Variants in RIT2 observed in about 807,000 individuals in gnomAD.
RIT2 encodes GTP-binding protein Rit2.
RIT2 carries 24 observed loss-of-function variants against 23.7 expected under a neutral mutation model. The ratio of observed to expected loss-of-function variants is 1.01; its 90% CI spans 0.73 to 1.43. The LOEUF (loss-of-function observed/expected upper bound fraction) is 1.43. Among genes scored for constraint, RIT2 ranks in the 40% most tolerant of loss-of-function variants. RIT2 has a pLI of 0.00. For synonymous variants in RIT2, 107 were observed against 91.1 expected, an observed-to-expected ratio of 1.17 and a Z score of -0.99; for missense variants, 236 against 266.9, an observed-to-expected ratio of 0.88 and a Z score of 0.81.
rs569381997 is a variant in RIT2, at chr18:43,028,532, C to A, written c.160+5279G>T. 1.5e-3 allele frequency among the ~76,000 whole-genome samples: 230 copies of A among 152,146 alleles called. 1 individual carries two copies. Among genetic ancestry groups the A allele is most frequent in the African/African-American group, 5.2e-3 (215 of 41,542 alleles). On this transcript the variant is annotated intron_variant, in intron 2 of 4. Coordinates refer to ENST00000326695, the MANE Select transcript of RIT2 (RefSeq NM_002930.4). ...ATTTAATTAGTTTCATACGAATTAT[C>A]TTTCTATTGTACCACATTCAAACAT... is the stretch of plus-strand genomic sequence containing the variant.
At chr18:43,032,808 T>C (rs1431663838) in intron 2 of RIT2, among the ~76,000 whole-genome samples, 5 of 152,110 alleles carry the variant, frequency 3.3e-5, no homozygotes, top group African/African-American at 1.2e-4. Context: ...CAAGCAAATA[T>C]TCTGGGGCCT....
intron 1 of RIT2, among the ~76,000 whole-genome samples, chr18:43,112,291 C>G (rs1913970104): frequency 6.6e-6 from 1 of 152,008 alleles, no homozygotes; most frequent in African/African-American, 2.4e-5. Flanking sequence ...TTTTTCTGAC[C>G]TCTGTTTTTT....
At chr18:42,751,608 C>T (rs896329202) in intron 4 of RIT2, among the ~76,000 whole-genome samples, 9 of 151,660 alleles carry the variant, frequency 5.9e-5, no homozygotes, top group South Asian at 2.1e-4. Context: ...TTGTAGCAGG[C>T]CGAAGTATAC....
intron 3 of RIT2, among the ~76,000 whole-genome samples, chr18:42,950,766 G>A (rs1909832150): frequency 6.6e-6 from 1 of 151,418 alleles, no homozygotes; most frequent in South Asian, 2.1e-4. Flanking sequence ...AAAAAAAATG[G>A]TATAGAAGTG....
At chr18:42,749,691 C>T (rs1435230713) in intron 4 of RIT2, among the ~76,000 whole-genome samples, 1 of 151,512 alleles carries the variant, frequency 6.6e-6, no homozygotes, top group East Asian at 1.9e-4. Context: ...GATGTTTGTC[C>T]CAATATATCA....
At chr18:43,032,030 T>TC (rs1368310038) in intron 2 of RIT2, among the ~76,000 whole-genome samples, 1 of 152,074 alleles carries the variant, frequency 6.6e-6, no homozygotes, top group Non-Finnish European at 1.5e-5. Context: ...TAACCAATAT[T>TC]CCCATTAGAA....
At chr18:42,914,548 T>G (rs992128976) in intron 4 of RIT2, among the ~76,000 whole-genome samples, 27 of 152,104 alleles carry the variant, frequency 1.8e-4, no homozygotes, top group African/African-American at 6.3e-4. Context: ...GCATGTTAAC[T>G]CATTTCATTT....
At chr18:43,056,260 A>G (rs573188367) in intron 1 of RIT2, among the ~76,000 whole-genome samples, 3 of 152,184 alleles carry the variant, frequency 2.0e-5, no homozygotes, top group Admixed American at 6.5e-5. Flanking sequence ...AAAGTCACTG[A>G]CAAAAACAAA....
At chr18:42,879,702 T>C (rs1907837241) in intron 4 of RIT2, among the ~76,000 whole-genome samples, 1 of 152,156 alleles carries the variant, frequency 6.6e-6, no homozygotes, top group Non-Finnish European at 1.5e-5. Flanking sequence ...CTAGTTTTTC[T>C]AGTTTTCATG....
intron 3 of RIT2, among the ~76,000 whole-genome samples, chr18:42,969,248 T>C (rs1052400828): frequency 1.3e-5 from 2 of 152,100 alleles, no homozygotes; most frequent in African/African-American, 4.8e-5. Context: ...CTCTGGACCT[T>C]AAAATATCCA....
chr18:42,810,695 A>C (rs1309810844), intron 4 of RIT2, among the ~76,000 whole-genome samples: 3 of 151,956 alleles, frequency 2.0e-5, no homozygotes, highest in Admixed American at 6.6e-5. Flanking sequence ...TACTCCATAG[A>C]AATTTTCTTG....
intron 2 of RIT2, among the ~76,000 whole-genome samples, chr18:43,018,042 T>C (rs1911513220): frequency 6.6e-6 from 1 of 152,106 alleles, no homozygotes; most frequent in African/African-American, 2.4e-5. Context: ...CCTTTTTTTG[T>C]ACCACATAAA....
intron 3 of RIT2, chr18:42,949,189 A>AC (rs1212280545): frequency 2.8e-5 from 11 of 394,032 alleles, no homozygotes; most frequent in Non-Finnish European, 4.5e-5. Context: ...CAAAAGGGGC[A>AC]CATGTGTGCT....
At chr18:43,073,907 A>G (rs959162049) in intron 1 of RIT2, among the ~76,000 whole-genome samples, 1 of 152,192 alleles carries the variant, frequency 6.6e-6, no homozygotes, top group Non-Finnish European at 1.5e-5. Flanking sequence ...GTGTGAAAGC[A>G]TGGAAGGGTA....
At chr18:42,978,665 C>T (rs1339506027) in intron 2 of RIT2, among the ~76,000 whole-genome samples, 1 of 152,100 alleles carries the variant, frequency 6.6e-6, no homozygotes, top group Non-Finnish European at 1.5e-5. Context: ...CACACTAGGA[C>T]TGCATTCTTG....
chr18:42,862,110 C>A (rs1171339462), intron 4 of RIT2, among the ~76,000 whole-genome samples: 1 of 152,056 alleles, frequency 6.6e-6, no homozygotes, highest in Non-Finnish European at 1.5e-5. Context: ...TGTCCCTACC[C>A]AAAATTCATC....
At chr18:42,883,145 T>C (rs1480482795) in intron 4 of RIT2, among the ~76,000 whole-genome samples, 1 of 151,974 alleles carries the variant, frequency 6.6e-6, no homozygotes, top group Admixed American at 6.6e-5. Flanking sequence ...AGAGTGTGTG[T>C]GCGTGTGTGT....
At chr18:42,827,627 T>G (rs1906331984) in intron 4 of RIT2, among the ~76,000 whole-genome samples, 1 of 151,922 alleles carries the variant, frequency 6.6e-6, no homozygotes, top group Non-Finnish European at 1.5e-5. Context: ...AAATATAAAA[T>G]AAACATAGGA....
At chr18:43,102,949 C>T (rs1393653136) in intron 1 of RIT2, among the ~76,000 whole-genome samples, 3 of 152,200 alleles carry the variant, frequency 2.0e-5, no homozygotes, top group African/African-American at 4.8e-5. Flanking sequence ...CCACTGCGCC[C>T]GGCCCTTAAC....
Sources: allele counts gnomAD v4.1 joint callset (sites outside exome capture counted in the v4.1 genomes callset), GRCh38; gene constraint gnomAD v4.1.1; transcripts MANE v1.5; gene names NCBI Gene and HGNC (gene_info 2026-07-23, HGNC 2026-07-21).